Variants in SLC37A3 observed in about 807,000 individuals in gnomAD.
SLC37A3 encodes the protein sugar phosphate exchanger 3.
A neutral mutation model predicts 67.1 loss-of-function variants in SLC37A3; 51 were observed. The ratio of observed to expected loss-of-function variants is 0.76; its 90% CI spans 0.61 to 0.96. SLC37A3 has a LOEUF of 0.96. SLC37A3 is among the 40% of genes least tolerant of loss of function. The pLI is 0.00. For missense variants in SLC37A3, 508 were observed against 603.0 expected (o/e 0.84, Z 1.65); for synonymous variants, 214 against 231.4 (o/e 0.92, Z 0.68).
chr7:140,372,862 CAA>C (rs765302688), intron 3 of SLC37A3, among the ~76,000 whole-genome samples: 1 of 129,774 alleles, frequency 7.7e-6, no homozygotes, highest in African/African-American at 2.8e-5. Flanking sequence ...GACTCTATCT[CAA>C]AAAAAAAAAA....
At chr7:140,335,672 T>C (rs922615179) in intron 14 of SLC37A3, among the ~76,000 whole-genome samples, 168 bp from the exon 15 acceptor site, 2 of 152,218 alleles carry the variant, frequency 1.3e-5, no homozygotes, top group African/African-American at 2.4e-5. Context: ...TTATGGCTAA[T>C]ATTACAAAAC....
chr7:140,334,099 G>C lies in SLC37A3; in HGVS notation c.*1313C>G, dbSNP rs958741571. ...AAGAACGGACACCCCTCAGGCCCTAGTAATCCATTCATGTGATTCAATGTC... is the reference window on the plus strand; with the variant it reads ...AAGAACGGACACCCCTCAGGCCCTACTAATCCATTCATGTGATTCAATGTC... On this transcript the variant is annotated 3_prime_UTR_variant, in exon 15 of 15. Coordinates refer to ENST00000326232, the MANE Select transcript of SLC37A3 (RefSeq NM_207113.3). 1 of 152,096 alleles carries C rather than the reference G, an allele frequency of 6.6e-6. No individual in the cohort carries two copies. Among genetic ancestry groups the C allele is most frequent in the Non-Finnish European group, 1.5e-5 (1 of 68,014 alleles). The allele number at this position is 152,096 out of a possible 1,614,324, so 9.4% of individuals were successfully genotyped here.
At chr7:140,348,452 CTTTTCTT>C in intron 10 of SLC37A3, 167 bp downstream of exon 10, 4 of 637,556 alleles carry the variant, frequency 6.3e-6, no homozygotes, top group Non-Finnish European at 9.2e-6. Flanking sequence ...TTTTTCTTTT[CTTTTCTT>C]TTCTTTTTTT....
At chr7:140,358,534 T>C (rs993645567) in intron 6 of SLC37A3, 106 bp downstream of exon 6, 2 of 1,442,842 alleles carry the variant, frequency 1.4e-6, no homozygotes, top group Admixed American at 1.8e-5. Context: ...TAACGAAAGA[T>C]GTGGGTGGTA....
At chr7:140,363,740 C>CAAAAA (rs71170980) in intron 5 of SLC37A3, among the ~76,000 whole-genome samples, 103 of 107,836 alleles carry the variant, frequency 9.6e-4, no homozygotes, top group Non-Finnish European at 1.2e-3. Context: ...AACTCCGCCT[C>CAAAAA]AAAAAAAAAA....
chr7:140,334,004 T>C lies in SLC37A3; in HGVS notation c.*1408A>G, dbSNP rs1796041333. 6.6e-6 allele frequency: 1 copy of C among 152,402 alleles called. No homozygotes were observed. Among genetic ancestry groups the C allele is most frequent in the African/African-American group, 2.4e-5 (1 of 41,454 alleles). 9.4% of individuals were successfully genotyped at this position (152,402 alleles called of 1,614,324 possible). A position where few individuals can be genotyped will look rare whatever the true frequency, so the allele number is the denominator to read the frequency against. The stretch of plus-strand genomic sequence containing the variant: ...TAATTTAAAATATGTATATACAGAA[T>C]GATCTTAAAATATTGATAACTAGTA... On this transcript the variant is annotated 3_prime_UTR_variant, in exon 15 of 15. Coordinates refer to ENST00000326232, the MANE Select transcript of SLC37A3 (RefSeq NM_207113.3).
chr7:140,352,226 G>GA, intron 7 of SLC37A3, 80 bp from the exon 8 acceptor site: 1 of 474,182 alleles, frequency 2.1e-6, no homozygotes, highest in Non-Finnish European at 3.9e-6. Context: ...GTGTGTGGGG[G>GA]AAGGTGGGGG....
At chr7:140,388,782 C>G (rs1798610462) in intron 1 of SLC37A3, among the ~76,000 whole-genome samples, 1 of 151,972 alleles carries the variant, frequency 6.6e-6, no homozygotes, top group Non-Finnish European at 1.5e-5. Flanking sequence ...GCACTCCAGC[C>G]TGGGCAACAA....
At chr7:140,368,066 G>A (rs564437945) in intron 4 of SLC37A3, among the ~76,000 whole-genome samples, 7 of 151,636 alleles carry the variant, frequency 4.6e-5, no homozygotes, top group Non-Finnish European at 7.4e-5. Flanking sequence ...CACCTGCCTC[G>A]GTCTCCCAAA....
chr7:140,358,536 T>C lies in SLC37A3; in HGVS notation c.521+104A>G. 7 of 1,453,702 alleles carry C rather than the reference T, an allele frequency of 4.8e-6. No individual in the cohort carries two copies. The South Asian group carries it at 7.5e-5, about 16-fold the overall frequency. The allele number at this position is 1,453,702 out of a possible 1,614,324, so 90.1% of individuals were successfully genotyped here. On this transcript the variant is annotated intron_variant, in intron 6 of 14. Coordinates refer to ENST00000326232, the MANE Select transcript of SLC37A3 (RefSeq NM_207113.3). ...AACTCTGACTTGCTAACGAAAGATG[T>C]GGGTGGTATCTAAGGCAGCAAAGTA... is the stretch of plus-strand genomic sequence containing the variant.
At chr7:140,386,449 C>CAATAAT (rs59004511) in intron 1 of SLC37A3, among the ~76,000 whole-genome samples, 14,530 of 146,418 alleles carry the variant, frequency 0.099, 1,076 homozygotes, top group East Asian at 0.23. Flanking sequence ...TATGCAATTA[C>CAATAAT]AATAATAATA....
intron 13 of SLC37A3, among the ~76,000 whole-genome samples, chr7:140,340,931 CAA>C (rs35222116): frequency 1.0e-4 from 15 of 145,518 alleles, no homozygotes; most frequent in Non-Finnish European, 9.1e-5. Context: ...GATGCTGTCT[CAA>C]AAAAAAAAAA....
intron 9 of SLC37A3, among the ~76,000 whole-genome samples, chr7:140,349,959 T>C (rs925408913): frequency 6.6e-6 from 1 of 152,252 alleles, no homozygotes; most frequent in East Asian, 1.9e-4. Context: ...ATATCATCAC[T>C]GGGTTAAAGA....
At chr7:140,372,232 C>T (rs189602301) in intron 3 of SLC37A3, among the ~76,000 whole-genome samples, 3 of 152,194 alleles carry the variant, frequency 2.0e-5, no homozygotes, top group African/African-American at 7.2e-5. Context: ...CTGAGGGAAA[C>T]GGAAAGGTAA....
At chr7:140,369,781 T>C (rs1797748359) in intron 3 of SLC37A3, 99 bp from the exon 4 acceptor site, 1 of 887,536 alleles carries the variant, frequency 1.1e-6, no homozygotes, top group Non-Finnish European at 1.8e-6. Context: ...GCACCAGTAA[T>C]GCTCAAGAAC....
rs557740280 is a variant in SLC37A3, at chr7:140,355,847, A to C, written c.522-83T>G. On this transcript the variant is annotated intron_variant, in intron 6 of 14. Transcript: ENST00000326232. ...GTTCAAAATACAAAACAGCCAAAAC[A>C]ACCAAGGTGCATACTACCAAGACTA... is the stretch of plus-strand genomic sequence containing the variant. 18 of 1,142,530 alleles carry C rather than the reference A, an allele frequency of 1.6e-5. No individual in the cohort carries two copies. The East Asian group carries it at 3.8e-4, about 24-fold the overall frequency. The allele number at this position is 1,142,530 out of a possible 1,614,324, so 70.8% of individuals were successfully genotyped here.
Position 140,345,921 on chromosome 7 carries a change from C to G in SLC37A3, c.1074G>C (p.Pro358=), listed in dbSNP as rs751140331. 1.9e-6 allele frequency: 3 copies of G among 1,613,890 alleles called. No individual in the cohort carries two copies. Among genetic ancestry groups the G allele is most frequent in the African/African-American group, 2.7e-5 (2 of 74,908 alleles). Residue 358 remains proline (P), a synonymous_variant, in exon 11 of 15, where the codon CCG becomes CCC. Coordinates refer to ENST00000326232, the MANE Select transcript of SLC37A3 (RefSeq NM_207113.3). ...FISDVLQKRA[P]VLALSLLLAV... ...CCAGAAGCAGACTCAGGGCAAGAAC[C>G]GGCGCTCTCTTCTGTAGTACATCAG...
At chr7:140,367,077 G>A (rs994114810) in intron 4 of SLC37A3, among the ~76,000 whole-genome samples, 1 of 151,942 alleles carries the variant, frequency 6.6e-6, no homozygotes, top group Non-Finnish European at 1.5e-5. Context: ...GGCAGAGGTT[G>A]CAGTGAGCCA....
chr7:140,335,579 A>C, intron 14 of SLC37A3, 75 bp from the exon 15 acceptor site: 1 of 1,509,990 alleles, frequency 6.6e-7, no homozygotes, highest in Admixed American at 1.7e-5. Context: ...GAACATAATA[A>C]TGGATTTGGA....
Sources: allele counts gnomAD v4.1 joint callset (sites outside exome capture counted in the v4.1 genomes callset), GRCh38; gene constraint gnomAD v4.1.1; transcripts MANE v1.5; gene names NCBI Gene and HGNC (gene_info 2026-07-23, HGNC 2026-07-21).